The following GPR89A variants were observed in gnomAD, a reference collection of about 807,000 sequenced individuals.
GPR89A encodes golgi pH regulator A.
In GPR89A, 16 loss-of-function variants were observed where a neutral mutation model predicts 52.0. That is an observed-to-expected ratio of 0.31 (90% confidence interval 0.21 to 0.47). The LOEUF (loss-of-function observed/expected upper bound fraction) is 0.47, where lower values mean the gene tolerates loss of function less well. Among genes scored for constraint, GPR89A ranks in the 20% least tolerant of loss-of-function variants. The pLI is 1.00. For missense variants in GPR89A, 135 were observed against 449.4 expected (o/e 0.30, Z 6.33); for synonymous variants, 55 against 150.9 (o/e 0.36, Z 4.66).
At chr1:145,648,398 AG>A (rs1484388901) in intron 10 of GPR89A, among the ~76,000 whole-genome samples, 6 of 151,698 alleles carry the variant, frequency 4.0e-5, no homozygotes, top group African/African-American at 1.5e-4. Flanking sequence ...GGATTCATTC[AG>A]TGGGAGATAA....
intron 10 of GPR89A, among the ~76,000 whole-genome samples, chr1:145,648,543 G>C (rs377246466): frequency 4.0e-5 from 6 of 151,134 alleles, no homozygotes; most frequent in African/African-American, 1.5e-4. Flanking sequence ...ACAGTGGTGC[G>C]ATCTCGGCTC....
Position 145,610,620 on chromosome 1 carries a change from C to G in GPR89A, c.42+2445C>G, listed in dbSNP as rs184107467. Among the ~76,000 whole-genome samples, 1,019 of 152,294 alleles carry G rather than the reference C, an allele frequency of 6.7e-3. 7 individuals are homozygous for G. Among genetic ancestry groups the G allele is most frequent in the Middle Eastern group, 0.01 (3 of 294 alleles). ...CCATAGTACCCTTCACCTACTTCCC[C>G]TGTAACAACACTACCACATTGTTTG... On this transcript the variant is annotated intron_variant, in intron 1 of 13. Coordinates refer to ENST00000313835, the MANE Select transcript of GPR89A (RefSeq NM_001097612.2).
intron 12 of GPR89A, among the ~76,000 whole-genome samples, chr1:145,666,802 T>C (rs1470935291): frequency 1.3e-5 from 2 of 149,214 alleles, no homozygotes; most frequent in Non-Finnish European, 3.0e-5. Flanking sequence ...GAATATGCAG[T>C]GTTTGGCTTT....
chr1:145,608,595 G>C (rs1362048249), intron 1 of GPR89A: 2 of 575,512 alleles, frequency 3.5e-6, no homozygotes, highest in Non-Finnish European at 5.3e-6. Context: ...CTGAGGACAC[G>C]TCAGTGCAGG....
chr1:145,661,990 C>A (rs1553695653), intron 10 of GPR89A, among the ~76,000 whole-genome samples: 1 of 152,068 alleles, frequency 6.6e-6, no homozygotes, highest in Non-Finnish European at 1.5e-5. Flanking sequence ...GGTCTAAGAA[C>A]ATATTTTGTA....
intron 5 of GPR89A, among the ~76,000 whole-genome samples, chr1:145,628,989 G>A (rs1220425158): frequency 6.6e-6 from 1 of 152,066 alleles, no homozygotes; most frequent in Admixed American, 6.6e-5. Flanking sequence ...CAAGAGAGAG[G>A]AGACAGATGA....
At chr1:145,661,222 C>A in intron 10 of GPR89A, among the ~76,000 whole-genome samples, 1 of 122,408 alleles carries the variant, frequency 8.2e-6, no homozygotes, top group African/African-American at 3.1e-5. Flanking sequence ...AACCAAACAC[C>A]ACATGTTCTC....
At chr1:145,641,950 T>C (rs1206741391) in intron 7 of GPR89A, among the ~76,000 whole-genome samples, 2 of 152,076 alleles carry the variant, frequency 1.3e-5, no homozygotes, top group Non-Finnish European at 2.9e-5. Flanking sequence ...TACAACTTAT[T>C]TGATAAGAGC....
At chr1:145,641,505 G>A (rs1165692967) in intron 7 of GPR89A, among the ~76,000 whole-genome samples, 1 of 150,684 alleles carries the variant, frequency 6.6e-6, no homozygotes, top group Admixed American at 6.6e-5. Flanking sequence ...AGGGTACATG[G>A]AATCTCTGCA....
intron 1 of GPR89A, among the ~76,000 whole-genome samples, chr1:145,614,034 A>G (rs1428896131): frequency 2.6e-5 from 4 of 152,112 alleles, no homozygotes; most frequent in Admixed American, 1.3e-4. Context: ...CGATCTACCC[A>G]AAGTGCTGGG....
intron 7 of GPR89A, among the ~76,000 whole-genome samples, chr1:145,636,644 C>G (rs2249134): frequency 0.037 from 5,646 of 151,544 alleles, 305 homozygotes; most frequent in African/African-American, 0.13. Context: ...TTCAGCAATA[C>G]CCACAGCCAT....
chr1:145,657,193 A>G (rs1651864145), intron 10 of GPR89A, among the ~76,000 whole-genome samples: 2 of 148,540 alleles, frequency 1.3e-5, no homozygotes, highest in Non-Finnish European at 3.0e-5. Context: ...CAGGAATTTG[A>G]GACCAGCCTG....
intron 3 of GPR89A, among the ~76,000 whole-genome samples, chr1:145,619,226 A>T (rs1648929803): frequency 6.6e-6 from 1 of 151,844 alleles, no homozygotes; most frequent in Admixed American, 6.6e-5. Flanking sequence ...TCCTTTGATA[A>T]TCAGAGTTGA....
In GPR89A at chr1:145,637,081, AAG is replaced by A. The variant is rs375306421; in HGVS notation, c.617+5342_617+5343del. Among the ~76,000 whole-genome samples the A allele has an allele frequency of 3.5e-3, 532 of 152,356 alleles. 2 individuals are homozygous for A. The highest frequency in any genetic ancestry group is 6.8e-3 in the Middle Eastern group (2 of 294). ...CCTGAGAAAAATAGGCAGAAACTGG[AAG>A]AGAGTCTATGCTTGATATACTGAAC... On this transcript the variant is annotated intron_variant, in intron 7 of 13. Coordinates refer to ENST00000313835, the MANE Select transcript of GPR89A (RefSeq NM_001097612.2).
At chr1:145,613,184 C>T (rs1228287690) in intron 1 of GPR89A, among the ~76,000 whole-genome samples, 1 of 151,212 alleles carries the variant, frequency 6.6e-6, no homozygotes, top group Non-Finnish European at 1.5e-5. Flanking sequence ...TCATCATTTT[C>T]CCCATCCTCT....
chr1:145,661,733 G>A (rs2262344), intron 10 of GPR89A, among the ~76,000 whole-genome samples: 2 of 151,232 alleles, frequency 1.3e-5, no homozygotes, highest in East Asian at 3.9e-4. Context: ...TTCTTAAGAT[G>A]GAAACTAAGA....
At chr1:145,651,153 T>C (rs1651422166) in intron 10 of GPR89A, among the ~76,000 whole-genome samples, 2 of 151,730 alleles carry the variant, frequency 1.3e-5, no homozygotes, top group Admixed American at 6.6e-5. Flanking sequence ...TTAATCCATC[T>C]TGAGTTAATT....
rs1652920821 is a variant in GPR89A at position 145,670,460 on chromosome 1, T to C, written c.*420T>C. 3.4e-6 allele frequency: 1 copy of C among 297,650 alleles called. No homozygotes were observed. The highest frequency in any genetic ancestry group is 3.5e-5 in the South Asian group (1 of 28,462). 18.4% of individuals were successfully genotyped at this position (297,650 alleles called of 1,614,324 possible). A position where few individuals can be genotyped will look rare whatever the true frequency, so the allele number is the denominator to read the frequency against. On this transcript the variant is annotated 3_prime_UTR_variant, in exon 14 of 14. Coordinates refer to ENST00000313835, the MANE Select transcript of GPR89A (RefSeq NM_001097612.2). Reference sequence around the variant, plus strand: ...ATTGACTCATTAAAATCAGAGACTGTAACACTTTTGCCTTACGTTCATTTT... The same window carrying C: ...ATTGACTCATTAAAATCAGAGACTGCAACACTTTTGCCTTACGTTCATTTT...
rs149423836 is a variant in GPR89A at position 145,649,672 on chromosome 1, G to T, written c.909+2405G>T. 4.8e-3 allele frequency among the ~76,000 whole-genome samples: 734 copies of T among 151,756 alleles called. 5 individuals are homozygous for T. The highest frequency in any genetic ancestry group is 0.017 in the African/African-American group (691 of 41,348). ...TTCTCTTGAGTAGGCACTTAGGAGT[G>T]GAATGTCTGGATCATATGGCAGATG... is the stretch of plus-strand genomic sequence containing the variant. On this transcript the variant is annotated intron_variant, in intron 10 of 13. Coordinates refer to ENST00000313835, the MANE Select transcript of GPR89A (RefSeq NM_001097612.2).
Sources: allele counts gnomAD v4.1 joint callset (sites outside exome capture counted in the v4.1 genomes callset), GRCh38; gene constraint gnomAD v4.1.1; transcripts MANE v1.5; gene names NCBI Gene and HGNC (gene_info 2026-07-23, HGNC 2026-07-21).